SPG11: variants seen among roughly 807,000 people sequenced by gnomAD.
SPG11 encodes spatacsin.
In SPG11, 222 loss-of-function variants were observed where a neutral mutation model predicts 274.0. The ratio of observed to expected loss-of-function variants is 0.81; its 90% CI spans 0.73 to 0.91. The LOEUF (loss-of-function observed/expected upper bound fraction) is 0.91. Ranked by LOEUF, SPG11 falls within the 40% of genes least tolerant of loss-of-function variation. The pLI is 0.00. For synonymous variants in SPG11, 1,144 were observed against 1,039.7 expected, an observed-to-expected ratio of 1.10 and a Z score of -1.93; for missense variants, 3,114 against 2,872.7, an observed-to-expected ratio of 1.08 and a Z score of -1.92.
intron 20 of SPG11, among the ~76,000 whole-genome samples, chr15:44,605,681 G>C (rs2083299717): frequency 6.6e-6 from 1 of 152,166 alleles, no homozygotes; most frequent in Admixed American, 6.5e-5. Context: ...GGTCATACAG[G>C]TATTAATTAC....
At chr15:44,656,932 T>C (rs1003996261) in intron 4 of SPG11, among the ~76,000 whole-genome samples, 163 bp downstream of exon 4, 2 of 152,138 alleles carry the variant, frequency 1.3e-5, no homozygotes, top group Admixed American at 6.5e-5. Flanking sequence ...TGGTCAGTTA[T>C]ACATATTATT....
At chr15:44,631,243 G>T (rs2084051807) in intron 8 of SPG11, among the ~76,000 whole-genome samples, 1 of 152,152 alleles carries the variant, frequency 6.6e-6, no homozygotes. Flanking sequence ...ATGTCTAACA[G>T]GAGTTTGGCT....
intron 8 of SPG11, among the ~76,000 whole-genome samples, chr15:44,631,803 C>CTTTTT (rs1205482825): frequency 6.0e-5 from 6 of 100,458 alleles, no homozygotes; most frequent in Non-Finnish European, 1.0e-4. Flanking sequence ...CTGCACCCAG[C>CTTTTT]TTTTTTTTTT....
chr15:44,590,558 G>A (rs550345631), intron 27 of SPG11: 1 of 152,244 alleles, frequency 6.6e-6, no homozygotes, highest in East Asian at 1.9e-4. Context: ...TTACAGCTAT[G>A]ATGATAGCGC....
Position 44,564,660 on chromosome 15 carries a change from A to G in SPG11, c.7038T>C (p.Asp2346=), listed in dbSNP as rs778986112. ...IVAEAYDFVP[D]WAEILYQQVI... ...CTTGCTGGTATAAAATTTCAGCCCA[A>G]TCTGGAACAAAATCGTAGGCCTCAG... The change falls in exon 39 of 40, where the codon GAT becomes GAC. Residue 2346 remains aspartate (D), a synonymous_variant. Transcript: ENST00000261866. 4.3e-6 allele frequency: 7 copies of G among 1,614,198 alleles called. No homozygotes were observed. Among genetic ancestry groups the G allele is most frequent in the South Asian group, 3.3e-5 (3 of 91,084 alleles).
At chr15:44,601,115 G>GCACTCCAGCCTGGGCAACAAGA (rs1174367817) in intron 20 of SPG11, among the ~76,000 whole-genome samples, 1 of 152,046 alleles carries the variant, frequency 6.6e-6, no homozygotes, top group African/African-American at 2.4e-5. Context: ...TCGCGCCATT[G>GCACTCCAGCCTGGGCAACAAGA]CACTCCAGCC....
At chr15:44,657,331 G>C (rs778917968) in intron 3 of SPG11, 35 bp from the exon 4 acceptor site, 4 of 1,589,144 alleles carry the variant, frequency 2.5e-6, no homozygotes, top group Admixed American at 1.7e-5. Flanking sequence ...TGCCAGTTTT[G>C]TAAGTATGCC....
intron 28 of SPG11, among the ~76,000 whole-genome samples, chr15:44,587,386 C>T (rs1452836525): frequency 3.9e-5 from 6 of 152,076 alleles, no homozygotes; most frequent in East Asian, 1.9e-4. Flanking sequence ...ATATAAAACA[C>T]GTTTTTACAG....
chr15:44,642,541 A>G (rs570183000), intron 7 of SPG11, among the ~76,000 whole-genome samples: 12 of 151,916 alleles, frequency 7.9e-5, no homozygotes, highest in African/African-American at 2.7e-4. Context: ...ATGCAGAAAA[A>G]TAAAGAAAAT....
In SPG11 at chr15:44,584,411, G is replaced by A. The variant is rs1060501170; in HGVS notation, c.5269C>T (p.His1757Tyr). Residue 1757 changes from histidine (H) to tyrosine (Y), a missense_variant, in exon 30 of 40, where the codon CAT becomes TAT. Physicochemically the swap from His to Tyr is moderately conservative, Grantham distance 83. Transcript: ENST00000261866. Reference protein sequence around the residue: ...AASSFFSTQAHVACEHPTGWS... With the variant: ...AASSFFSTQAYVACEHPTGWS... Reference sequence around the variant, plus strand: ...CCAGTTGGGTGCTCACATGCCACATGGGCCTGGGTTGAGAAAAAGGAAGAA... The same window carrying A: ...CCAGTTGGGTGCTCACATGCCACATAGGCCTGGGTTGAGAAAAAGGAAGAA... The A allele has an allele frequency of 2.5e-6, 4 of 1,614,024 alleles. No individual in the cohort carries two copies. The highest frequency in any genetic ancestry group is 3.4e-6 in the Non-Finnish European group (4 of 1,180,022).
chr15:44,615,270 G>A, intron 16 of SPG11, 93 bp downstream of exon 16: 2 of 1,194,958 alleles, frequency 1.7e-6, no homozygotes, highest in Non-Finnish European at 2.5e-6. Flanking sequence ...TCGTGTGAAT[G>A]CTTACTATTT....
intron 8 of SPG11, among the ~76,000 whole-genome samples, chr15:44,630,864 C>T (rs1042769723): frequency 1.5e-4 from 23 of 152,248 alleles, no homozygotes; most frequent in African/African-American, 5.5e-4. Flanking sequence ...AGGCGTGAGA[C>T]ACTGCACCCA....
At chr15:44,636,091 G>A (rs2084241668) in intron 7 of SPG11, among the ~76,000 whole-genome samples, 1 of 152,074 alleles carries the variant, frequency 6.6e-6, no homozygotes, top group Non-Finnish European at 1.5e-5. Flanking sequence ...AGGTCATGGT[G>A]AGCTGCTGGT....
Position 44,570,512 on chromosome 15 carries a change from G to A in SPG11, c.6477+13C>T. The A allele has an allele frequency of 6.3e-7, 1 of 1,589,704 alleles. No individual in the cohort carries two copies. Among genetic ancestry groups the A allele is most frequent in the Non-Finnish European group, 8.6e-7 (1 of 1,159,244 alleles). On this transcript the variant is annotated intron_variant, in intron 34 of 39. Transcript: ENST00000261866. ...TCCACAGGATGGAGACTGGGGTTGA[G>A]GGGGCTACTTACCACCAGCCCATAC...
intron 23 of SPG11, 128 bp from the exon 24 acceptor site, chr15:44,597,071 T>C: frequency 1.4e-6 from 1 of 719,826 alleles, no homozygotes; most frequent in Non-Finnish European, 2.3e-6. Context: ...CTCCAACAAA[T>C]ACTAAATATT....
chr15:44,606,072 G>A lies in SPG11; in HGVS notation c.3473C>T (p.Pro1158Leu). ...AGACTGCCAGCCAAACAATCTGCTA[G>A]GATCAAAGGGTGATAATGACTGAAA... ...HLIQSLSPFD[P>L]SRLFGWQSAN... Residue 1158 changes from proline (P) to leucine (L), a missense_variant, in exon 20 of 40, where the codon CCT becomes CTT. Coordinates refer to ENST00000261866, the MANE Select transcript of SPG11 (RefSeq NM_025137.4). 1 of 1,613,610 alleles carries A rather than the reference G, an allele frequency of 6.2e-7. No homozygotes were observed. The highest frequency in any genetic ancestry group is 8.5e-7 in the Non-Finnish European group (1 of 1,179,728).
intron 20 of SPG11, among the ~76,000 whole-genome samples, chr15:44,602,879 A>G (rs1205175889): frequency 6.6e-6 from 1 of 152,096 alleles, no homozygotes; most frequent in African/African-American, 2.4e-5. Flanking sequence ...TGATCCTTTA[A>G]GTTCAGAAAG....
chr15:44,603,800 C>A (rs2083253052), intron 20 of SPG11, among the ~76,000 whole-genome samples: 1 of 152,012 alleles, frequency 6.6e-6, no homozygotes, highest in South Asian at 2.1e-4. Context: ...CTTATAATAC[C>A]CAATAAATGT....
Position 44,663,414 on chromosome 15 carries a change from G to A in SPG11, c.234C>T (p.Cys78=). Reference sequence around the variant, plus strand: ...ACTGCCAGAAGGGGCCCTCCAGGCAGCAGCGACCCCCGCCCCGGCTGCCAG... The same window carrying A: ...ACTGCCAGAAGGGGCCCTCCAGGCAACAGCGACCCCCGCCCCGGCTGCCAG... ...LTPGSRGGGR[C]CLEGPFWHFL... is the part of the protein sequence containing the mutation. Residue 78 remains cysteine, a synonymous_variant, in exon 1 of 40, where the codon TGC becomes TGT. Transcript: ENST00000261866. The A allele has an allele frequency of 1.2e-6, 2 of 1,607,192 alleles. No homozygotes were observed. Among genetic ancestry groups the A allele is most frequent in the Non-Finnish European group, 1.7e-6 (2 of 1,177,526 alleles).
Sources: allele counts gnomAD v4.1 joint callset (sites outside exome capture counted in the v4.1 genomes callset), GRCh38; gene constraint gnomAD v4.1.1; transcripts MANE v1.5; gene names NCBI Gene and HGNC (gene_info 2026-07-23, HGNC 2026-07-21).